FAM222B: variants seen among roughly 807,000 people sequenced by gnomAD.
The protein encoded by FAM222B is protein FAM222B.
FAM222B carries 12 observed loss-of-function variants against 38.0 expected under a neutral mutation model. That is an observed-to-expected ratio of 0.32 (90% CI 0.20 to 0.51). FAM222B has a LOEUF of 0.51. FAM222B is among the 20% of genes least tolerant of loss of function. The probability of loss-of-function intolerance (pLI) is 0.97; values close to 1 mark genes in which losing one functional copy is unlikely to be tolerated. For synonymous variants in FAM222B, 329 were observed against 317.2 expected (o/e 1.04, Z -0.40); for missense variants, 716 against 754.2 (o/e 0.95, Z 0.59).
In FAM222B at chr17:28,823,917, G is replaced by A. The variant is rs186597892; in HGVS notation, c.-41+18765C>T. On this transcript the variant is annotated intron_variant, in intron 1 of 2. Coordinates refer to ENST00000581407, the MANE Select transcript of FAM222B (RefSeq NM_001077498.3). ...TTTTGAGACGGAGTCTTGCTCTGTC[G>A]CCCAGGCTGGAGTGCAGTGGCACAA... Among the ~76,000 whole-genome samples the A allele has an allele frequency of 5.1e-5, 7 of 137,324 alleles. No individual in the cohort carries two copies. The East Asian group carries it at 1.1e-3, about 21-fold the overall frequency. 90.1% of individuals were successfully genotyped at this position (137,324 alleles called of 152,430 possible).
intron 1 of FAM222B, among the ~76,000 whole-genome samples, chr17:28,815,966 CAAA>C (rs1204670643): frequency 5.3e-5 from 4 of 74,920 alleles, no homozygotes; most frequent in African/African-American, 5.1e-5. Flanking sequence ...GACTCCGTCT[CAAA>C]AAAAAAAAAA....
At chr17:28,847,258 C>T (rs1056944612), upstream of FAM222B, among the ~76,000 whole-genome samples, 6 of 151,698 alleles carry the variant, frequency 4.0e-5, no homozygotes, top group African/African-American at 7.3e-5. Context: ...CTAAAACTTC[C>T]GTGACCCCAA....
upstream of FAM222B, among the ~76,000 whole-genome samples, chr17:28,846,984 G>T (rs1383237536): frequency 1.3e-5 from 2 of 152,042 alleles, no homozygotes; most frequent in Non-Finnish European, 2.9e-5. Flanking sequence ...AGCACTTTGG[G>T]AGGCCTAGGT....
intron 2 of FAM222B, among the ~76,000 whole-genome samples, chr17:28,762,560 G>C (rs545924869): frequency 6.6e-6 from 1 of 150,702 alleles, no homozygotes; most frequent in East Asian, 2.0e-4. Context: ...CCGGCAGGTG[G>C]AGGTTGCAGT....
chr17:28,783,156 A>T (rs922128958), intron 1 of FAM222B, among the ~76,000 whole-genome samples: 4 of 151,294 alleles, frequency 2.6e-5, no homozygotes, highest in African/African-American at 9.7e-5. Flanking sequence ...AAAAAAAAAC[A>T]AACTCATTCC....
intron 1 of FAM222B, among the ~76,000 whole-genome samples, chr17:28,781,684 C>T (rs1007553633): frequency 2.0e-5 from 3 of 152,094 alleles, no homozygotes; most frequent in Admixed American, 6.6e-5. Flanking sequence ...TATATAAACA[C>T]AATGAAAGAC....
intron 1 of FAM222B, among the ~76,000 whole-genome samples, chr17:28,826,450 G>T (rs2038443133): frequency 6.6e-6 from 1 of 151,962 alleles, no homozygotes; most frequent in Non-Finnish European, 1.5e-5. Context: ...GGAGGCCGAG[G>T]CCAGTGGATC....
chr17:28,789,079 CAAAAAA>C (rs397857027), intron 1 of FAM222B, among the ~76,000 whole-genome samples: 3 of 63,466 alleles, frequency 4.7e-5, no homozygotes, highest in African/African-American at 1.3e-4. Flanking sequence ...AAAGATACCT[CAAAAAA>C]AAAAAAAAAA....
At chr17:28,779,557 C>CT (rs2036068635) in intron 1 of FAM222B, among the ~76,000 whole-genome samples, 2 of 152,084 alleles carry the variant, frequency 1.3e-5, no homozygotes, top group African/African-American at 4.8e-5. Context: ...CGTGACCATC[C>CT]TGGCTAACAC....
At chr17:28,822,848 TATATATATATATATATAC>T (rs2038306440) in intron 1 of FAM222B, among the ~76,000 whole-genome samples, 1 of 97,800 alleles carries the variant, frequency 1.0e-5, no homozygotes, top group African/African-American at 4.7e-5. Context: ...TATATATATA[TATATATATATATATATAC>T]ACACATATAT....
intron 1 of FAM222B, among the ~76,000 whole-genome samples, chr17:28,814,213 G>C (rs1440093686): frequency 6.6e-6 from 1 of 151,716 alleles, no homozygotes; most frequent in African/African-American, 2.4e-5. Context: ...GAAAACGGGG[G>C]TCAGGAAAGG....
Position 28,758,214 on chromosome 17 carries a change from A to G in FAM222B, c.*56T>C, listed in dbSNP as rs2034803550. On this transcript the variant is annotated 3_prime_UTR_variant, in exon 3 of 3. Transcript: ENST00000581407. Reference sequence around the variant, plus strand: ...TTGAAACTATCCAGTTACTTAAAAGACTAAACCTAGGAGGGTGATGTATGA... The same window carrying G: ...TTGAAACTATCCAGTTACTTAAAAGGCTAAACCTAGGAGGGTGATGTATGA... 2.1e-6 allele frequency: 3 copies of G among 1,395,384 alleles called. No homozygotes were observed. Among genetic ancestry groups the G allele is most frequent in the Non-Finnish European group, 2.0e-6 (2 of 1,023,578 alleles). 86.4% of individuals were successfully genotyped at this position (1,395,384 alleles called of 1,614,324 possible).
At chr17:28,773,134 C>T (rs11870634) in intron 1 of FAM222B, among the ~76,000 whole-genome samples, 63,797 of 151,772 alleles carry the variant, frequency 0.42, 16,343 homozygotes, top group East Asian at 0.59. Flanking sequence ...TGGCATGAAA[C>T]GAACTGCTAA....
At chr17:28,820,995 T>C (rs2152576390) in intron 1 of FAM222B, among the ~76,000 whole-genome samples, 1 of 149,636 alleles carries the variant, frequency 6.7e-6, no homozygotes, top group South Asian at 2.2e-4. Flanking sequence ...CTCGCTCTGT[T>C]GCCAGGCTGG....
chr17:28,766,720 AAAAC>A lies in FAM222B; in HGVS notation c.-40-17_-40-14del. On this transcript the variant is annotated splice_polypyrimidine_tract_variant and intron_variant, in intron 1 of 2. Transcript: ENST00000581407. Reference sequence around the variant, plus strand: ...GCAGTGGCTCACACTGTAATGAACAAAAACAAGGTCATGAAACACAAGGCAACTC... The same window carrying A: ...GCAGTGGCTCACACTGTAATGAACAAAAGGTCATGAAACACAAGGCAACTC... The A allele has an allele frequency of 7.0e-7, 1 of 1,428,366 alleles. No homozygotes were observed. Among genetic ancestry groups the A allele is most frequent in the East Asian group, 2.4e-5 (1 of 41,340 alleles). 88.5% of individuals were successfully genotyped at this position (1,428,366 alleles called of 1,614,324 possible).
At chr17:28,789,293 G>T in intron 1 of FAM222B, among the ~76,000 whole-genome samples, 1 of 150,990 alleles carries the variant, frequency 6.6e-6, no homozygotes, top group South Asian at 2.1e-4. Flanking sequence ...CTACCTCCTG[G>T]GTTCAAGCAA....
intron 1 of FAM222B, among the ~76,000 whole-genome samples, chr17:28,833,408 G>C (rs2038733515): frequency 6.6e-6 from 1 of 151,580 alleles, no homozygotes; most frequent in Admixed American, 6.6e-5. Context: ...CCTGAGGTCA[G>C]GAGTTCGAGA....
chr17:28,835,513 T>G (rs2038813476), intron 1 of FAM222B, among the ~76,000 whole-genome samples: 2 of 152,202 alleles, frequency 1.3e-5, no homozygotes, highest in Non-Finnish European at 2.9e-5. Flanking sequence ...GATTCAAGCC[T>G]AGTTATGGCT....
At chr17:28,818,547 GAATAAAAATAAAAAATAAA>G (rs1567882241) in intron 1 of FAM222B, among the ~76,000 whole-genome samples, 1 of 149,072 alleles carries the variant, frequency 6.7e-6, no homozygotes, top group African/African-American at 2.5e-5. Context: ...AAAAAAAAAA[GAATAAAAATAAAAAATAAA>G]AATAAAAATA....
Sources: allele counts gnomAD v4.1 joint callset (sites outside exome capture counted in the v4.1 genomes callset), GRCh38; gene constraint gnomAD v4.1.1; transcripts MANE v1.5; gene names NCBI Gene and HGNC (gene_info 2026-07-23, HGNC 2026-07-21).